KCNQ4: variants seen among roughly 807,000 people sequenced by gnomAD.
KCNQ4 encodes potassium voltage-gated channel subfamily Q member 4, also known as potassium voltage-gated channel subfamily KQT member 4.
KCNQ4 carries 31 observed loss-of-function variants against 72.6 expected under a neutral mutation model. The observed-to-expected ratio is 0.43, with a 90% confidence interval of 0.32 to 0.58. The LOEUF is 0.58. Ranked by LOEUF, KCNQ4 falls within the 20% of genes least tolerant of loss-of-function variation. The pLI, the probability that KCNQ4 is intolerant of heterozygous loss-of-function variation, is 0.08. For missense variants in KCNQ4, 869 were observed against 962.6 expected, an observed-to-expected ratio of 0.90 and a Z score of 1.29; for synonymous variants, 405 against 403.7, an observed-to-expected ratio of 1.00 and a Z score of -0.04.
At chr1:40,822,855 T>G (rs912268577) in intron 8 of KCNQ4, among the ~76,000 whole-genome samples, 1 of 152,212 alleles carries the variant, frequency 6.6e-6, no homozygotes, top group Non-Finnish European at 1.5e-5. Context: ...TGTAGGAATA[T>G]GTGCCCACTT....
At position 40,837,730 on chromosome 1, in the gene KCNQ4, C is replaced by T; in HGVS notation, c.1811C>T (p.Pro604Leu). ...GCCCGGGAGAAGGGCGACAAGGGGC[C>T]CTCCGACGCGGAGGTGGTGGATGAA... ...RKAREKGDKG[P>L]SDAEVVDEIS... Residue 604 changes from proline to leucine, a missense_variant, in exon 13 of 14, where the codon CCC becomes CTC. Physicochemically the swap from Pro to Leu is moderately conservative, Grantham distance 98. Around this residue, in one of 5 missense-constraint regions of KCNQ4, gnomAD observed 480 missense variants for 501.9 expected, o/e 0.96. Transcript: ENST00000347132. 1 of 1,612,996 alleles carries T rather than the reference C, an allele frequency of 6.2e-7. No individual in the cohort carries two copies. Among genetic ancestry groups the T allele is most frequent in the Non-Finnish European group, 8.5e-7 (1 of 1,179,638 alleles).
chr1:40,816,692 G>A (rs1648095149), intron 1 of KCNQ4, among the ~76,000 whole-genome samples: 2 of 152,190 alleles, frequency 1.3e-5, no homozygotes, highest in South Asian at 4.1e-4. Context: ...TCTCCCTGCT[G>A]CATCATTCCT....
chr1:40,821,172 G>C (rs2148321245), intron 7 of KCNQ4, among the ~76,000 whole-genome samples: 2 of 152,334 alleles, frequency 1.3e-5, no homozygotes, highest in African/African-American at 4.8e-5. Context: ...GGGCATTGTA[G>C]GGGCAGGCGG....
chr1:40,810,059 C>CA (rs56970636), intron 1 of KCNQ4, among the ~76,000 whole-genome samples: 85,138 of 148,356 alleles, frequency 0.57, 24,615 homozygotes, highest in East Asian at 0.68. Flanking sequence ...GACTCCGTCT[C>CA]AAAAAAAAAA....
intron 9 of KCNQ4, among the ~76,000 whole-genome samples, chr1:40,827,461 C>T (rs1648514486): frequency 6.6e-6 from 1 of 152,130 alleles, no homozygotes; most frequent in Non-Finnish European, 1.5e-5. Flanking sequence ...GCTGGCAGCC[C>T]AGTTTGGCCC....
intron 1 of KCNQ4, among the ~76,000 whole-genome samples, chr1:40,796,949 A>AATAAATAC (rs1311574932): frequency 4.3e-5 from 6 of 140,722 alleles, no homozygotes; most frequent in Non-Finnish European, 8.0e-5. Context: ...TAAATAAATA[A>AATAAATAC]ATACAGTTCA....
intron 1 of KCNQ4, among the ~76,000 whole-genome samples, chr1:40,809,650 G>A (rs926187241): frequency 3.9e-5 from 6 of 152,244 alleles, no homozygotes; most frequent in Admixed American, 6.5e-5. Flanking sequence ...GTCATCTGTC[G>A]TCTGAGCTAT....
rs1647182114 is a variant in KCNQ4 at position 40,784,283 on chromosome 1, G to C, written c.190G>C (p.Gly64Arg). The change falls in exon 1 of 14, where the codon GGC (glycine) becomes CGC (arginine). Residue 64 changes from glycine to arginine, a missense_variant. Physicochemically the swap from Gly to Arg is moderately radical, Grantham distance 125 (BLOSUM62 -2). Around this residue, in one of 5 missense-constraint regions of KCNQ4, gnomAD observed 178 missense variants for 145.3 expected, o/e 1.22. Transcript: ENST00000347132. This position sits in a 1 kb window ranked among gnomAD's most constrained non-coding sequence, Gnocchi z 4.1. ...PGAPLPGPGS[G>R]SGSACGQRSS... ...CGCGCCCCTCCCTGGGCCGGGCTCC[G>C]GCTCGGGCTCCGCCTGCGGCCAGCG... 2 of 1,558,934 alleles carry C rather than the reference G, an allele frequency of 1.3e-6. No homozygotes were observed. Among genetic ancestry groups the C allele is most frequent in the South Asian group, 1.2e-5 (1 of 86,388 alleles).
At chr1:40,786,121 T>C (rs890007681) in intron 1 of KCNQ4, among the ~76,000 whole-genome samples, 2 of 151,962 alleles carry the variant, frequency 1.3e-5, no homozygotes, top group African/African-American at 4.8e-5. Flanking sequence ...GGACTACTTC[T>C]TAGGAGTGGC....
At chr1:40,819,326 G>A (rs750864631) in intron 4 of KCNQ4, 21 bp from the exon 5 acceptor site, 7 of 1,613,230 alleles carry the variant, frequency 4.3e-6, no homozygotes, top group African/African-American at 2.7e-5. Context: ...TCCTCACCGC[G>A]CCCCTCCGCC....
intron 9 of KCNQ4, chr1:40,826,615 G>C (rs1034754095): frequency 4.4e-6 from 2 of 454,218 alleles, no homozygotes; most frequent in Non-Finnish European, 8.9e-6. Context: ...ACCTCTGTTC[G>C]TGTCTTATTC....
At chr1:40,799,510 A>G (rs964375732) in intron 1 of KCNQ4, among the ~76,000 whole-genome samples, 2 of 151,830 alleles carry the variant, frequency 1.3e-5, no homozygotes, top group African/African-American at 4.8e-5. Context: ...ACGGTTGTTT[A>G]TACCAGGACT....
chr1:40,793,004 CTTTTTTTT>C (rs10549805), intron 1 of KCNQ4, among the ~76,000 whole-genome samples: 3 of 109,076 alleles, frequency 2.8e-5, no homozygotes, highest in Admixed American at 9.8e-5. Flanking sequence ...TTCTTTCTTT[CTTTTTTTT>C]TTTTTTTTTT....
Position 40,838,607 on chromosome 1 carries a change from C to G in KCNQ4, c.*84C>G. On this transcript the variant is annotated 3_prime_UTR_variant, in exon 14 of 14. Transcript: ENST00000347132. ...CCCTCTGAGGCCTCCGGACTCCTCT[C>G]GTACTTGAACTCACTCCCTCACGGG... is the stretch of plus-strand genomic sequence containing the variant. The G allele has an allele frequency of 8.1e-7, 1 of 1,237,608 alleles. No individual in the cohort carries two copies. The highest frequency in any genetic ancestry group is 1.2e-6 in the Non-Finnish European group (1 of 841,920). The allele number at this position is 1,237,608 out of a possible 1,614,324, so 76.7% of individuals were successfully genotyped here. A position where few individuals can be genotyped will look rare whatever the true frequency, so the allele number is the denominator to read the frequency against.
chr1:40,784,286 T>A lies in KCNQ4; in HGVS notation c.193T>A (p.Ser65Thr). 1 of 1,566,886 alleles carries A rather than the reference T, an allele frequency of 6.4e-7. No individual in the cohort carries two copies. The highest frequency in any genetic ancestry group is 8.6e-7 in the Non-Finnish European group (1 of 1,162,640). The change falls in exon 1 of 14, where the codon TCG (serine) becomes ACG (threonine). Residue 65 changes from serine to threonine, a missense_variant. Ser to Thr is a moderately conservative substitution (Grantham distance 58). This residue lies in a region of KCNQ4 where 178 missense variants were observed against 145.3 expected (regional missense o/e 1.22). Coordinates refer to ENST00000347132, the MANE Select transcript of KCNQ4 (RefSeq NM_004700.4). The surrounding 1 kb of genome is among the most constrained non-coding windows in gnomAD (Gnocchi z 4.1). ...GAPLPGPGSG[S>T]GSACGQRSSA... ...GCCCCTCCCTGGGCCGGGCTCCGGC[T>A]CGGGCTCCGCCTGCGGCCAGCGCTC... is the stretch of plus-strand genomic sequence containing the variant.
intron 9 of KCNQ4, among the ~76,000 whole-genome samples, chr1:40,830,609 A>C (rs1648612286): frequency 6.6e-6 from 1 of 152,048 alleles, no homozygotes. Context: ...TCGACTCCAC[A>C]CAGCCTGCCC....
At chr1:40,821,017 C>T (rs1411763399) in intron 7 of KCNQ4, among the ~76,000 whole-genome samples, 2 of 152,222 alleles carry the variant, frequency 1.3e-5, no homozygotes, top group Non-Finnish European at 2.9e-5. Context: ...CAAACCCAAG[C>T]CTCACTCAGC....
chr1:40,820,313 G>A, intron 7 of KCNQ4, 53 bp downstream of exon 7: 2 of 1,426,912 alleles, frequency 1.4e-6, no homozygotes, highest in Non-Finnish European at 1.9e-6. Flanking sequence ...GACTGCACTG[G>A]TGTGTCAACC....
At chr1:40,811,402 AGT>A (rs1389847106) in intron 1 of KCNQ4, among the ~76,000 whole-genome samples, 1 of 152,208 alleles carries the variant, frequency 6.6e-6, no homozygotes, top group Non-Finnish European at 1.5e-5. Flanking sequence ...TGATTCTCAA[AGT>A]GTGGTCCCCA....
Sources: gnomAD v4.1 joint callset for allele counts (sites outside exome capture counted in the v4.1 genomes callset) on GRCh38, gnomAD v4.1.1 for gene constraint, gnomAD v4.1.1 regional missense constraint, Gnocchi (gnomAD v3.1) non-coding constraint, MANE v1.5 for transcripts, NCBI Gene and HGNC (gene_info 2026-07-23, HGNC 2026-07-21) for gene names.